The following MYO3B variants were observed in gnomAD, a reference collection of about 807,000 sequenced individuals.
MYO3B encodes myosin IIIB.
Under a neutral mutation model 174.6 loss-of-function variants are expected in MYO3B, and 156 were observed. The observed-to-expected ratio is 0.89, with a 90% confidence interval of 0.78 to 1.02. The LOEUF is 1.02. Ranked by LOEUF, MYO3B falls within the 50% of genes least tolerant of loss-of-function variation. The pLI is 0.00. For missense variants in MYO3B, 1,632 were observed against 1,639.4 expected (o/e 1.00, Z 0.08); for synonymous variants, 563 against 569.1 (o/e 0.99, Z 0.15).
chr2:170,392,937 C>CA (rs2094422571), intron 16 of MYO3B, among the ~76,000 whole-genome samples: 1 of 151,426 alleles, frequency 6.6e-6, no homozygotes, highest in African/African-American at 2.4e-5. Flanking sequence ...ATGTAGATGA[C>CA]ACCCAAGTCA....
intron 9 of MYO3B, 53 bp downstream of exon 9, chr2:170,369,430 G>C: frequency 6.4e-7 from 1 of 1,566,380 alleles, no homozygotes; most frequent in Non-Finnish European, 8.7e-7. Context: ...AAAATGTCAT[G>C]TCATGTGTTT....
intron 8 of MYO3B, among the ~76,000 whole-genome samples, chr2:170,367,371 A>G (rs535721153): frequency 2.0e-5 from 3 of 152,322 alleles, no homozygotes; most frequent in Admixed American, 2.0e-4. Context: ...GTGATGAGAA[A>G]CAGACATAAT....
chr2:170,368,369 G>A (rs950612388), intron 8 of MYO3B, among the ~76,000 whole-genome samples: 22 of 152,198 alleles, frequency 1.4e-4, no homozygotes, highest in African/African-American at 3.6e-4. Flanking sequence ...GGGCAGGTAC[G>A]CAGAATAGAA....
At chr2:170,369,572 G>A (rs1439653109) in intron 9 of MYO3B, among the ~76,000 whole-genome samples, 195 bp downstream of exon 9, 2 of 152,088 alleles carry the variant, frequency 1.3e-5, no homozygotes, top group Non-Finnish European at 2.9e-5. Context: ...GCCCATTTGT[G>A]CTCTTATGGC....
chr2:170,551,439 C>G (rs1690903041), intron 32 of MYO3B, among the ~76,000 whole-genome samples: 1 of 142,264 alleles, frequency 7.0e-6, no homozygotes, highest in Non-Finnish European at 1.5e-5. Flanking sequence ...GGTGTGGTCT[C>G]AGCTCACTGC....
chr2:170,417,617 G>A (rs935288828), intron 22 of MYO3B, among the ~76,000 whole-genome samples: 1 of 152,328 alleles, frequency 6.6e-6, no homozygotes, highest in Middle Eastern at 3.4e-3. Context: ...CTCTGAGGGA[G>A]CGTTTGTTCC....
At chr2:170,272,537 C>G (rs2093433056) in intron 7 of MYO3B, among the ~76,000 whole-genome samples, 2 of 152,098 alleles carry the variant, frequency 1.3e-5, no homozygotes, top group African/African-American at 4.8e-5. Context: ...AGGAGTAGAC[C>G]AAGGCAATGA....
At chr2:170,179,773 C>T (rs2092374544) in intron 1 of MYO3B, among the ~76,000 whole-genome samples, 1 of 152,200 alleles carries the variant, frequency 6.6e-6, no homozygotes, top group African/African-American at 2.4e-5. Context: ...AGAAAATGGA[C>T]TAACACAACT....
At chr2:170,261,429 T>C (rs929726373) in intron 7 of MYO3B, among the ~76,000 whole-genome samples, 2 of 152,168 alleles carry the variant, frequency 1.3e-5, no homozygotes. Context: ...GGCGAGCACC[T>C]GTTGTCTTAG....
chr2:170,448,398 G>A (rs1683381913), intron 23 of MYO3B, among the ~76,000 whole-genome samples: 1 of 152,156 alleles, frequency 6.6e-6, no homozygotes, highest in South Asian at 2.1e-4. Context: ...TTATTCTTCA[G>A]ATGTGGGCTA....
rs76118554 is a variant in MYO3B, at chr2:170,353,808, G to A, written c.816-15414G>A. 5.8e-3 allele frequency among the ~76,000 whole-genome samples: 885 copies of A among 152,294 alleles called. 3 individuals carry two copies. Among genetic ancestry groups the A allele is most frequent in the Non-Finnish European group, 7.9e-3 (538 of 68,010 alleles). On this transcript the variant is annotated intron_variant, in intron 8 of 34. Transcript: ENST00000408978. ...CATAAGGGAATTTATTATGAAAACAGGACTTGGTGGCATTCTCTTATTAGA... is the reference window on the plus strand; with the variant it reads ...CATAAGGGAATTTATTATGAAAACAAGACTTGGTGGCATTCTCTTATTAGA...
At chr2:170,341,926 A>G (rs2093979317) in intron 8 of MYO3B, among the ~76,000 whole-genome samples, 1 of 152,202 alleles carries the variant, frequency 6.6e-6, no homozygotes, top group African/African-American at 2.4e-5. Flanking sequence ...TGATTTTCTC[A>G]TAGTGTAAAC....
intron 23 of MYO3B, among the ~76,000 whole-genome samples, chr2:170,452,666 A>T (rs904302775): frequency 2.0e-5 from 3 of 152,202 alleles, no homozygotes; most frequent in Non-Finnish European, 4.4e-5. Flanking sequence ...GAAATTAATA[A>T]GTTTTAACTA....
chr2:170,499,902 C>CCTCG, intron 27 of MYO3B, 94 bp downstream of exon 27: 1 of 994,252 alleles, frequency 1.0e-6, no homozygotes, highest in East Asian at 2.5e-5. Flanking sequence ...AAGTGGTTTC[C>CCTCG]CTCCCTCCCT....
rs145606244 is a variant in MYO3B at position 170,563,902 on chromosome 2, G to T, written c.3733+19914G>T. Among the ~76,000 whole-genome samples, 3 of 152,312 alleles carry T rather than the reference G, an allele frequency of 2.0e-5. No homozygotes were observed. The East Asian group carries it at 5.8e-4, about 29-fold the overall frequency. On this transcript the variant is annotated intron_variant, in intron 32 of 34. Coordinates refer to ENST00000408978, the MANE Select transcript of MYO3B (RefSeq NM_138995.5). The stretch of plus-strand genomic sequence containing the variant: ...CTTTATCTACAGAAGAAGCTGGGAA[G>T]CATAGTTCAGTTGATTACATTGCTG...
Position 170,646,962 on chromosome 2 carries a change from T to C in MYO3B, c.3734-4666T>C. 4 of 1,310,990 alleles carry C rather than the reference T, an allele frequency of 3.1e-6. No individual in the cohort carries two copies. In the South Asian group the frequency reaches 3.5e-5, roughly 12 times the overall value. 81.2% of individuals were successfully genotyped at this position (1,310,990 alleles called of 1,614,324 possible). On this transcript the variant is annotated intron_variant, in intron 32 of 34. Coordinates refer to ENST00000408978, the MANE Select transcript of MYO3B (RefSeq NM_138995.5). ...TGGGTATATATCTTTCAATTGTTTT[T>C]ATCTTTCTGTTGTACTTCCTTTCAT... is the stretch of plus-strand genomic sequence containing the variant.
intron 20 of MYO3B, among the ~76,000 whole-genome samples, chr2:170,405,289 A>G (rs2094503013): frequency 6.6e-6 from 1 of 152,212 alleles, no homozygotes; most frequent in Non-Finnish European, 1.5e-5. Flanking sequence ...ATCAGTGTCC[A>G]TGCTAGGAGT....
intron 32 of MYO3B, among the ~76,000 whole-genome samples, chr2:170,562,769 T>C (rs375685566): frequency 2.6e-5 from 4 of 152,204 alleles, no homozygotes; most frequent in African/African-American, 9.7e-5. Flanking sequence ...ATGCCTGTTA[T>C]AACAGTTTAC....
intron 30 of MYO3B, among the ~76,000 whole-genome samples, chr2:170,536,988 T>C (rs1436112526): frequency 2.0e-5 from 3 of 151,638 alleles, no homozygotes; most frequent in Non-Finnish European, 4.4e-5. Flanking sequence ...AATCACGAGG[T>C]CAGGCATTCA....
Sources: gnomAD v4.1 joint callset for allele counts (sites outside exome capture counted in the v4.1 genomes callset) on GRCh38, gnomAD v4.1.1 for gene constraint, MANE v1.5 for transcripts, NCBI Gene and HGNC (gene_info 2026-07-23, HGNC 2026-07-21) for gene names.